The following TET3 variants were observed in gnomAD, a reference collection of about 807,000 sequenced individuals.
The protein encoded by TET3 is methylcytosine dioxygenase TET3.
Under a neutral mutation model 141.4 loss-of-function variants are expected in TET3, and 19 were observed. The observed-to-expected ratio is 0.13, with a 90% CI of 0.09 to 0.20. The LOEUF (loss-of-function observed/expected upper bound fraction) is 0.20. Ranked by LOEUF, TET3 falls within the 10% of genes least tolerant of loss-of-function variation. The probability of loss-of-function intolerance (pLI) is 1.00; values close to 1 mark genes in which losing one functional copy is unlikely to be tolerated. For synonymous variants in TET3, 1,043 were observed against 980.9 expected, an observed-to-expected ratio of 1.06 and a Z score of -1.18; for missense variants, 1,874 against 2,356.9, an observed-to-expected ratio of 0.80 and a Z score of 4.24.
At chr2:74,070,901 G>A (rs1689166827) in intron 4 of TET3, among the ~76,000 whole-genome samples, 1 of 152,120 alleles carries the variant, frequency 6.6e-6, no homozygotes, top group Non-Finnish European at 1.5e-5. Context: ...CTTGACCCTG[G>A]GAGGTCGAAG....
Position 74,101,213 on chromosome 2 carries a change from T to C in TET3, c.4425T>C (p.Phe1475=). The C allele has an allele frequency of 6.2e-7, 1 of 1,613,144 alleles. No homozygotes were observed. The highest frequency in any genetic ancestry group is 8.5e-7 in the Non-Finnish European group (1 of 1,179,566). The part of the protein sequence containing the change: ...PAIVPDKLSS[F]GASCLAPSHF... ...TCGTCCCTGACAAGCTCAGTTCCTT[T>C]GGGGCCAGCTGCCTGGCCCCTTCCC... is the stretch of plus-strand genomic sequence containing the variant. Residue 1475 remains phenylalanine (F), a synonymous_variant, in exon 12 of 12, where the codon TTT becomes TTC. Transcript: ENST00000409262. This position sits in a 1 kb window ranked among gnomAD's most constrained non-coding sequence, Gnocchi z 8.5.
intron 3 of TET3, among the ~76,000 whole-genome samples, chr2:74,037,390 G>T (rs978270212): frequency 6.6e-6 from 1 of 152,238 alleles, no homozygotes; most frequent in African/African-American, 2.4e-5. Flanking sequence ...AATTAGCTTT[G>T]TAAGGAGGTG....
At chr2:74,053,770 A>G (rs965995157) in intron 4 of TET3, among the ~76,000 whole-genome samples, 3 of 152,092 alleles carry the variant, frequency 2.0e-5, no homozygotes, top group African/African-American at 7.2e-5. Context: ...ACACAAAGTT[A>G]TTTGTTTACA....
intron 3 of TET3, among the ~76,000 whole-genome samples, chr2:74,025,358 G>A (rs1226335446): frequency 2.6e-4 from 39 of 148,468 alleles, no homozygotes; most frequent in African/African-American, 7.4e-5. Context: ...GCGCGATCTC[G>A]GCTCACTGCA....
chr2:74,041,280 C>T (rs1477422281), intron 3 of TET3, among the ~76,000 whole-genome samples: 1 of 152,212 alleles, frequency 6.6e-6, no homozygotes, highest in East Asian at 1.9e-4. Context: ...TTTTCCCAAA[C>T]AGTAGGCCTT....
At chr2:74,115,367 C>T in the TET3 span, among the ~76,000 whole-genome samples, 2 of 152,036 alleles carry the variant, frequency 1.3e-5, no homozygotes, top group Admixed American at 6.6e-5. Context: ...GGAGCTAAGC[C>T]ACGGGATAAA....
intron 3 of TET3, among the ~76,000 whole-genome samples, chr2:74,009,499 A>T (rs541755193): frequency 3.2e-4 from 49 of 152,330 alleles, no homozygotes; most frequent in African/African-American, 1.1e-3. Context: ...CCTTCACCAC[A>T]TGGATCATTA....
intron 2 of TET3, chr2:74,002,652 C>T: frequency 5.3e-6 from 2 of 379,886 alleles, no homozygotes; most frequent in African/African-American, 2.1e-5. Flanking sequence ...GGCGAGCGCG[C>T]CGCCCCCTCG....
chr2:73,996,804 C>G (rs992181134), intron 2 of TET3, among the ~76,000 whole-genome samples: 2 of 152,218 alleles, frequency 1.3e-5, no homozygotes, highest in Non-Finnish European at 2.9e-5. Flanking sequence ...CCACCATGAC[C>G]GGCTTGATAA....
upstream of TET3, among the ~76,000 whole-genome samples, chr2:73,983,923 T>A (rs1404510465): frequency 6.6e-6 from 1 of 152,200 alleles, no homozygotes; most frequent in Non-Finnish European, 1.5e-5. Context: ...GCCAGATGGG[T>A]GGGGCTGAAT....
chr2:74,014,804 G>A (rs1179700569), intron 3 of TET3, among the ~76,000 whole-genome samples: 1 of 152,138 alleles, frequency 6.6e-6, no homozygotes, highest in African/African-American at 2.4e-5. Context: ...CATCTTTCAT[G>A]AGCCTCTAGA....
chr2:74,001,227 C>T (rs1009578979), intron 2 of TET3, among the ~76,000 whole-genome samples: 11 of 152,306 alleles, frequency 7.2e-5, no homozygotes, highest in African/African-American at 2.4e-4. Context: ...CCAAAGGCCG[C>T]TCATCCTGTT....
intron 4 of TET3, among the ~76,000 whole-genome samples, chr2:74,063,893 CAA>C (rs70965781): frequency 4.4e-4 from 47 of 106,236 alleles, no homozygotes; most frequent in Non-Finnish European, 3.4e-4. Flanking sequence ...TCTCTGCAGA[CAA>C]AAAAAAAAAA....
chr2:74,115,756 A>G, the TET3 span, among the ~76,000 whole-genome samples: 1 of 152,186 alleles, frequency 6.6e-6, no homozygotes, highest in East Asian at 1.9e-4. Flanking sequence ...GCTGACACCT[A>G]TAATCTCAGC....
the TET3 span, among the ~76,000 whole-genome samples, chr2:74,132,949 G>A: frequency 6.6e-6 from 1 of 151,888 alleles, no homozygotes; most frequent in Admixed American, 6.6e-5. Context: ...CCAGGCTGGA[G>A]TGCAGTAGCG....
chr2:74,054,450 A>C (rs1397533854), intron 4 of TET3, among the ~76,000 whole-genome samples: 1 of 152,122 alleles, frequency 6.6e-6, no homozygotes, highest in Non-Finnish European at 1.5e-5. Context: ...CCAAGGTTAG[A>C]AATACTGGGA....
intron 6 of TET3, among the ~76,000 whole-genome samples, chr2:74,083,399 C>T (rs779623297): frequency 1.1e-4 from 16 of 152,294 alleles, no homozygotes; most frequent in Middle Eastern, 3.4e-3. Context: ...CACAGTAAAA[C>T]AGACTTAGGA....
At chr2:74,113,025 A>AC (rs58143158), downstream of TET3, among the ~76,000 whole-genome samples, 168 of 137,418 alleles carry the variant, frequency 1.2e-3, 5 homozygotes, top group South Asian at 0.014. Flanking sequence ...AAAAAAAAAA[A>AC]AAAAAAAAAA....
At chr2:74,024,365 C>G (rs1388511042) in intron 3 of TET3, among the ~76,000 whole-genome samples, 1 of 152,240 alleles carries the variant, frequency 6.6e-6, no homozygotes, top group African/African-American at 2.4e-5. Flanking sequence ...TCTGTGCCCT[C>G]TGTGTGTGGA....
Sources: gnomAD v4.1 joint callset for allele counts (sites outside exome capture counted in the v4.1 genomes callset) on GRCh38, gnomAD v4.1.1 for gene constraint, Gnocchi (gnomAD v3.1) non-coding constraint, MANE v1.5 for transcripts, NCBI Gene and HGNC (gene_info 2026-07-23, HGNC 2026-07-21) for gene names.